Variants in FBXL20 observed in about 807,000 individuals in gnomAD.
FBXL20 encodes F-box and leucine rich repeat protein 20.
Under a neutral mutation model 64.0 loss-of-function variants are expected in FBXL20, and 11 were observed. That is an observed-to-expected ratio of 0.17 (90% CI 0.11 to 0.28). The LOEUF (loss-of-function observed/expected upper bound fraction) is 0.28, where lower values mean the gene tolerates loss of function less well. Among genes scored for constraint, FBXL20 ranks in the 10% least tolerant of loss-of-function variants. The probability of loss-of-function intolerance (pLI) is 1.00; values close to 1 mark genes in which losing one functional copy is unlikely to be tolerated. For missense variants in FBXL20, 303 were observed against 526.2 expected, an observed-to-expected ratio of 0.58 and a Z score of 4.15; for synonymous variants, 184 against 189.0, an observed-to-expected ratio of 0.97 and a Z score of 0.22.
At chr17:39,327,353 G>A (rs574869758) in intron 2 of FBXL20, among the ~76,000 whole-genome samples, 1 of 152,088 alleles carries the variant, frequency 6.6e-6, no homozygotes, top group East Asian at 1.9e-4. Context: ...CAGTGATATG[G>A]GTAAATCACT....
intron 7 of FBXL20, among the ~76,000 whole-genome samples, chr17:39,285,058 A>G (rs2046977419): frequency 6.6e-6 from 1 of 152,010 alleles, no homozygotes; most frequent in Non-Finnish European, 1.5e-5. Flanking sequence ...GGCGCACGCC[A>G]CCATGCCCAA....
intron 2 of FBXL20, among the ~76,000 whole-genome samples, chr17:39,337,895 C>T (rs558339174): frequency 2.6e-5 from 4 of 151,272 alleles, no homozygotes; most frequent in Non-Finnish European, 5.9e-5. Context: ...CGGCCAGCCA[C>T]CCTATCCGGG....
chr17:39,325,040 A>AGG (rs1290159924), intron 2 of FBXL20, among the ~76,000 whole-genome samples: 1 of 152,114 alleles, frequency 6.6e-6, no homozygotes, highest in East Asian at 1.9e-4. Flanking sequence ...AAACTCTGTC[A>AGG]CTACAAAAAA....
At chr17:39,284,937 T>C (rs1478110924) in intron 7 of FBXL20, among the ~76,000 whole-genome samples, 1 of 30,400 alleles carries the variant, frequency 3.3e-5, no homozygotes, top group Non-Finnish European at 5.4e-5. Context: ...GCCCTTTCTT[T>C]CTTTTTTTTT....
chr17:39,399,319 GCTTT>G (rs1286273576), intron 1 of FBXL20, among the ~76,000 whole-genome samples: 1 of 152,150 alleles, frequency 6.6e-6, no homozygotes, highest in East Asian at 1.9e-4. Context: ...GTTTAGATCT[GCTTT>G]ATTTACGTAT....
chr17:39,268,987 T>C, intron 11 of FBXL20, 116 bp from the exon 12 acceptor site: 1 of 893,714 alleles, frequency 1.1e-6, no homozygotes, highest in Non-Finnish European at 1.8e-6. Flanking sequence ...TTCTTTGGTG[T>C]TTCAGAGCTA....
Position 39,401,427 on chromosome 17 carries a change from C to A in FBXL20, c.-25G>T, listed in dbSNP as rs767354255. ...TGGGGCCGGCGGGTGCGGCCCGGGCCGGGCGCTGCGGCGAGCGGAGTGCAC... is the reference window on the plus strand; with the variant it reads ...TGGGGCCGGCGGGTGCGGCCCGGGCAGGGCGCTGCGGCGAGCGGAGTGCAC... On this transcript the variant is annotated 5_prime_UTR_variant, in exon 1 of 15. Transcript: ENST00000264658. The A allele has an allele frequency of 1.9e-6, 3 of 1,580,278 alleles. No individual in the cohort carries two copies. Among genetic ancestry groups the A allele is most frequent in the Non-Finnish European group, 2.6e-6 (3 of 1,164,752 alleles).
At chr17:39,396,370 T>G (rs1313583112) in intron 1 of FBXL20, among the ~76,000 whole-genome samples, 1 of 144,640 alleles carries the variant, frequency 6.9e-6, no homozygotes, top group African/African-American at 2.6e-5. Flanking sequence ...CTGAGATGGG[T>G]GTATCACCTG....
chr17:39,282,344 T>C (rs140387004), intron 8 of FBXL20, among the ~76,000 whole-genome samples: 62 of 152,302 alleles, frequency 4.1e-4, no homozygotes, highest in African/African-American at 1.4e-3. Context: ...TAAGAAACAC[T>C]GGTGGTTAAA....
chr17:39,264,849 A>G (rs1389202844), intron 13 of FBXL20, among the ~76,000 whole-genome samples: 1 of 152,160 alleles, frequency 6.6e-6, no homozygotes, highest in Non-Finnish European at 1.5e-5. Context: ...CTCTTCATCA[A>G]TATTTATTAA....
chr17:39,372,949 C>T (rs892447378), intron 1 of FBXL20, among the ~76,000 whole-genome samples: 3 of 152,042 alleles, frequency 2.0e-5, no homozygotes, highest in African/African-American at 7.2e-5. Flanking sequence ...CAAAGGATAA[C>T]AAAACTGAAA....
At chr17:39,308,960 T>C (rs555758848) in intron 2 of FBXL20, among the ~76,000 whole-genome samples, 80 of 152,230 alleles carry the variant, frequency 5.3e-4, no homozygotes, top group African/African-American at 1.9e-3. Flanking sequence ...GCCTCCCAAG[T>C]AGCTGAGATT....
intron 2 of FBXL20, among the ~76,000 whole-genome samples, chr17:39,322,968 C>T (rs2047372029): frequency 7.3e-6 from 1 of 137,056 alleles, no homozygotes; most frequent in Non-Finnish European, 1.5e-5. Context: ...CCACGCCCAG[C>T]TAATTTTTTT....
intron 2 of FBXL20, among the ~76,000 whole-genome samples, chr17:39,333,124 A>T (rs996144800): frequency 2.0e-5 from 3 of 151,722 alleles, no homozygotes; most frequent in Non-Finnish European, 4.4e-5. Context: ...AAGGAAAAAA[A>T]TTCAGCTCTC....
At chr17:39,318,540 A>C (rs2047318840) in intron 2 of FBXL20, among the ~76,000 whole-genome samples, 1 of 152,098 alleles carries the variant, frequency 6.6e-6, no homozygotes, top group African/African-American at 2.4e-5. Flanking sequence ...CGAGAGTTCG[A>C]GACCAGCCTG....
At chr17:39,295,444 T>C (rs1430534245) in intron 6 of FBXL20, among the ~76,000 whole-genome samples, 1 of 151,990 alleles carries the variant, frequency 6.6e-6, no homozygotes, top group East Asian at 1.9e-4. Flanking sequence ...TTAGTAGAGA[T>C]GGGGTTTCAC....
intron 5 of FBXL20, among the ~76,000 whole-genome samples, chr17:39,298,627 T>C (rs983430538): frequency 8.5e-5 from 13 of 152,186 alleles, no homozygotes; most frequent in Middle Eastern, 3.4e-3. Flanking sequence ...AGAGGGAGGA[T>C]TGCTTGAGTC....
chr17:39,364,602 C>G (rs1024871258), intron 1 of FBXL20, among the ~76,000 whole-genome samples: 1 of 152,070 alleles, frequency 6.6e-6, no homozygotes, highest in Admixed American at 6.6e-5. Flanking sequence ...AGAACAAGAC[C>G]CTGTCTCAAA....
intron 2 of FBXL20, among the ~76,000 whole-genome samples, chr17:39,323,930 T>TA (rs1460449419): frequency 0.021 from 3,146 of 147,190 alleles, 163 homozygotes; most frequent in African/African-American, 0.081. Context: ...CACGCCTGGC[T>TA]ATTTTTTGTA....
Sources: gnomAD v4.1 joint callset for allele counts (sites outside exome capture counted in the v4.1 genomes callset) on GRCh38, gnomAD v4.1.1 for gene constraint, MANE v1.5 for transcripts, NCBI Gene and HGNC (gene_info 2026-07-23, HGNC 2026-07-21) for gene names.